Variants in MDGA2 observed in about 807,000 individuals in gnomAD.
MDGA2 encodes the protein MAM domain-containing glycosylphosphatidylinositol anchor protein 2.
In MDGA2, 40 loss-of-function variants were observed where a neutral mutation model predicts 117.8. That is an observed-to-expected ratio of 0.34 (90% CI 0.26 to 0.44). MDGA2 has a LOEUF of 0.44. Among genes scored for constraint, MDGA2 ranks in the 20% least tolerant of loss-of-function variants. The pLI is 1.00. For missense variants in MDGA2, 1,123 were observed against 1,250.6 expected, an observed-to-expected ratio of 0.90 and a Z score of 1.54; for synonymous variants, 452 against 439.0, an observed-to-expected ratio of 1.03 and a Z score of -0.37.
At chr14:47,102,260 A>T (rs964303944) in intron 5 of MDGA2, among the ~76,000 whole-genome samples, 7 of 150,464 alleles carry the variant, frequency 4.7e-5, no homozygotes, top group African/African-American at 1.5e-4. Context: ...ATTGCCTTGA[A>T]TTAGAGATAT....
At chr14:46,844,451 C>T (rs1880740863) in intron 16 of MDGA2, among the ~76,000 whole-genome samples, 1 of 151,792 alleles carries the variant, frequency 6.6e-6, no homozygotes, top group Admixed American at 6.6e-5. Flanking sequence ...TGTGGTGCCG[C>T]GAGTCTGTAA....
chr14:47,660,820 A>G (rs1349818370), intron 1 of MDGA2, among the ~76,000 whole-genome samples: 2 of 152,240 alleles, frequency 1.3e-5, no homozygotes, highest in African/African-American at 4.8e-5. Context: ...AATATGTAGT[A>G]GAACCATTTC....
At chr14:47,200,529 C>CTTTTTTTTTTTTTTTT in intron 3 of MDGA2, 1 of 586,028 alleles carries the variant, frequency 1.7e-6, no homozygotes, top group Non-Finnish European at 2.6e-6. Flanking sequence ...TTTTCTTTTT[C>CTTTTTTTTTTTTTTTT]TTTTCTTTTT....
At chr14:47,607,029 A>G (rs1896755516) in intron 1 of MDGA2, among the ~76,000 whole-genome samples, 1 of 152,192 alleles carries the variant, frequency 6.6e-6, no homozygotes, top group Non-Finnish European at 1.5e-5. Flanking sequence ...TTAATTTTAA[A>G]AAATTTGCAC....
chr14:47,301,244 C>T (rs1298042148), intron 2 of MDGA2, among the ~76,000 whole-genome samples, 167 bp downstream of exon 2: 1 of 151,914 alleles, frequency 6.6e-6, no homozygotes, highest in Non-Finnish European at 1.5e-5. Flanking sequence ...TCTTGTCCTG[C>T]GTTGCACATA....
At chr14:47,593,331 C>T (rs1385962743) in intron 1 of MDGA2, among the ~76,000 whole-genome samples, 2 of 152,132 alleles carry the variant, frequency 1.3e-5, no homozygotes, top group African/African-American at 4.8e-5. Flanking sequence ...GGCAATTCCT[C>T]AAAGACCTAG....
chr14:47,393,134 G>T (rs540922721), intron 1 of MDGA2, among the ~76,000 whole-genome samples: 2 of 150,566 alleles, frequency 1.3e-5, no homozygotes, highest in African/African-American at 4.9e-5. Context: ...TGCAAGAAGG[G>T]ATACAAATAG....
chr14:47,064,865 A>G (rs1890023867), intron 6 of MDGA2, among the ~76,000 whole-genome samples: 1 of 152,136 alleles, frequency 6.6e-6, no homozygotes, highest in African/African-American at 2.4e-5. Context: ...TCCTGCTACC[A>G]GTTAAGATTT....
Position 47,131,809 on chromosome 14 carries a change from G to A in MDGA2, c.830C>T (p.Pro277Leu), listed in dbSNP as rs1882219620. Residue 277 changes from proline to leucine, a missense_variant, in exon 5 of 17, where the codon CCT becomes CTT. Around this residue, in one of 2 missense-constraint regions of MDGA2, gnomAD observed 890 missense variants for 1,050.3 expected, o/e 0.85. Coordinates refer to ENST00000399232, the MANE Select transcript of MDGA2 (RefSeq NM_001113498.3). ...GCAGCTATAATTAGCATAGTCCTGA[G>A]GTCGAAGATTCTTTAGTTTTAAGAT... ...TKILKLKNLR[P>L]QDYANYSCIA... 1.9e-6 allele frequency: 3 copies of A among 1,592,284 alleles called. No homozygotes were observed. The highest frequency in any genetic ancestry group is 2.6e-6 in the Non-Finnish European group (3 of 1,164,066).
chr14:47,548,051 G>A (rs118110523), intron 1 of MDGA2, among the ~76,000 whole-genome samples: 670 of 152,128 alleles, frequency 4.4e-3, no homozygotes, highest in Non-Finnish European at 6.9e-3. Context: ...AAACTATACT[G>A]TTGCCTTTTA....
At chr14:47,577,180 A>G (rs1342259393) in intron 1 of MDGA2, among the ~76,000 whole-genome samples, 1 of 152,148 alleles carries the variant, frequency 6.6e-6, no homozygotes, top group African/African-American at 2.4e-5. Flanking sequence ...GACAATGGGG[A>G]AAGGATTCCC....
intron 1 of MDGA2, among the ~76,000 whole-genome samples, chr14:47,377,353 C>T (rs776309435): frequency 3.9e-5 from 6 of 152,110 alleles, no homozygotes; most frequent in African/African-American, 4.8e-5. Flanking sequence ...GGGTTCATCT[C>T]GCTGGGTCTT....
chr14:47,263,490 T>C (rs192682403), intron 2 of MDGA2, among the ~76,000 whole-genome samples: 2 of 152,288 alleles, frequency 1.3e-5, no homozygotes, highest in East Asian at 1.9e-4. Context: ...TTTGATCTAC[T>C]ACTAGTTTTT....
chr14:47,166,033 CTT>C lies in MDGA2; in HGVS notation c.596-21761_596-21760del, dbSNP rs35219016. Among the ~76,000 whole-genome samples, 364 of 115,472 alleles carry C rather than the reference CTT, an allele frequency of 3.2e-3. 1 individual carries two copies. The highest frequency in any genetic ancestry group is 0.022 in the South Asian group (74 of 3,386). 75.8% of individuals were successfully genotyped at this position (115,472 alleles called of 152,430 possible). ...CCCATTTTATAAGCAGCACTGTTTA[CTT>C]TTTTTTTTTTTTTTTTTTTAGACAG... On this transcript the variant is annotated intron_variant, in intron 3 of 16. Coordinates refer to ENST00000399232, the MANE Select transcript of MDGA2 (RefSeq NM_001113498.3).
intron 1 of MDGA2, among the ~76,000 whole-genome samples, chr14:47,637,217 T>G (rs887130739): frequency 1.3e-5 from 2 of 152,150 alleles, no homozygotes; most frequent in African/African-American, 4.8e-5. Flanking sequence ...TTGACCAAGA[T>G]CACCCAGTTG....
At chr14:46,851,398 T>C (rs1158313417) in intron 15 of MDGA2, among the ~76,000 whole-genome samples, 3 of 151,920 alleles carry the variant, frequency 2.0e-5, no homozygotes, top group Non-Finnish European at 4.4e-5. Context: ...GCCCTAATTT[T>C]TCCCAATGTA....
downstream of MDGA2, among the ~76,000 whole-genome samples, chr14:46,839,691 T>C (rs1880532118): frequency 6.6e-6 from 1 of 151,914 alleles, no homozygotes; most frequent in African/African-American, 2.4e-5. Context: ...ATAAAGTATA[T>C]GGGTTACTGT....
chr14:46,980,213 G>A (rs781529788), intron 8 of MDGA2, among the ~76,000 whole-genome samples: 28 of 152,272 alleles, frequency 1.8e-4, no homozygotes, highest in Non-Finnish European at 2.5e-4. Context: ...GGAAAAAGTT[G>A]ATCCCAACAC....
chr14:47,642,014 T>C (rs1461899182), intron 1 of MDGA2, among the ~76,000 whole-genome samples: 1 of 152,094 alleles, frequency 6.6e-6, no homozygotes, highest in East Asian at 1.9e-4. Flanking sequence ...GTTACAGTGC[T>C]TAATTACCTC....
Sources: gnomAD v4.1 joint callset for allele counts (sites outside exome capture counted in the v4.1 genomes callset) on GRCh38, gnomAD v4.1.1 for gene constraint, gnomAD v4.1.1 regional missense constraint, MANE v1.5 for transcripts, NCBI Gene and HGNC (gene_info 2026-07-23, HGNC 2026-07-21) for gene names.